The following TRERF1 variants were observed in gnomAD, a reference collection of about 807,000 sequenced individuals.
TRERF1 encodes transcriptional-regulating factor 1.
In TRERF1, 27 loss-of-function variants were observed where a neutral mutation model predicts 122.9. That is an observed-to-expected ratio of 0.22 (90% CI 0.16 to 0.30). The LOEUF is 0.30. Ranked by LOEUF, TRERF1 falls within the 10% of genes least tolerant of loss-of-function variation. TRERF1 has a pLI of 1.00. For synonymous variants in TRERF1, 636 were observed against 641.7 expected, an observed-to-expected ratio of 0.99 and a Z score of 0.13; for missense variants, 1,248 against 1,560.3, an observed-to-expected ratio of 0.80 and a Z score of 3.37.
Position 42,269,217 on chromosome 6 carries a change from G to T in TRERF1, c.374C>A (p.Ser125Tyr). ...CTGGGTCCGGATCTCGCTGGCCTGG[G>T]AGTAGGTGTATTGGTAGCCATCAGT... Residue 125 changes from serine to tyrosine, a missense_variant, in exon 5 of 18, where the codon TCC becomes TAC. Physicochemically the swap from Ser to Tyr is moderately radical, Grantham distance 144. Coordinates refer to ENST00000372922, the Ensembl canonical transcript of TRERF1. The surrounding 1 kb of genome is among the most constrained non-coding windows in gnomAD (Gnocchi z 4.9). 1.2e-6 allele frequency: 2 copies of T among 1,614,218 alleles called. No homozygotes were observed. Among genetic ancestry groups the T allele is most frequent in the Non-Finnish European group, 1.7e-6 (2 of 1,180,038 alleles).
intron 2 of TRERF1, among the ~76,000 whole-genome samples, chr6:42,435,856 T>A (rs1428381052): frequency 1.3e-5 from 2 of 150,688 alleles, no homozygotes; most frequent in Non-Finnish European, 2.9e-5. Context: ...GGGGGGCACC[T>A]GTAATCCCAA....
At chr6:42,226,068 C>CT (rs921715265) in exon 18 of TRERF1, 1 of 152,172 alleles carries the variant, frequency 6.6e-6, no homozygotes, top group African/African-American at 2.4e-5. Context: ...GAAGTCCATT[C>CT]TTTAAGTTGA....
At chr6:42,404,719 G>A (rs1240809334) in intron 2 of TRERF1, among the ~76,000 whole-genome samples, 2 of 146,358 alleles carry the variant, frequency 1.4e-5, no homozygotes, top group Non-Finnish European at 2.9e-5. Flanking sequence ...TCTCTGTGCC[G>A]ATTCCTGCTT....
chr6:42,245,755 C>T (rs1449709533), intron 14 of TRERF1, among the ~76,000 whole-genome samples: 2 of 152,232 alleles, frequency 1.3e-5, no homozygotes, highest in Non-Finnish European at 2.9e-5. Flanking sequence ...AGGGAGGCCA[C>T]ATATTCTCCT....
intron 3 of TRERF1, among the ~76,000 whole-genome samples, chr6:42,349,185 C>T (rs1238528504): frequency 1.3e-5 from 2 of 152,138 alleles, no homozygotes; most frequent in East Asian, 3.9e-4. Context: ...CAGACAGTAA[C>T]TGTTTCAGGG....
At chr6:42,411,437 C>CGGGA (rs1562159428) in intron 2 of TRERF1, among the ~76,000 whole-genome samples, 1 of 152,144 alleles carries the variant, frequency 6.6e-6, no homozygotes, top group Non-Finnish European at 1.5e-5. Context: ...GGTCCCAATT[C>CGGGA]GGGACCTGGA....
At chr6:42,277,474 C>T (rs35445071) in intron 4 of TRERF1, among the ~76,000 whole-genome samples, 16,532 of 152,138 alleles carry the variant, frequency 0.11, 1,003 homozygotes, top group African/African-American at 0.15. Flanking sequence ...ACAGGTTTGT[C>T]CCGCAGCAGT....
At chr6:42,337,973 A>G (rs1472677056) in intron 3 of TRERF1, among the ~76,000 whole-genome samples, 1 of 152,182 alleles carries the variant, frequency 6.6e-6, no homozygotes, top group African/African-American at 2.4e-5. Context: ...CATGTTAGGG[A>G]TGCGGAGTCT....
intron 2 of TRERF1, among the ~76,000 whole-genome samples, chr6:42,417,586 G>T (rs73733194): frequency 6.6e-6 from 1 of 152,154 alleles, no homozygotes; most frequent in African/African-American, 2.4e-5. Flanking sequence ...GAGGAGGAAC[G>T]ACTGGCCGGC....
At chr6:42,370,695 G>A (rs901459921) in intron 2 of TRERF1, among the ~76,000 whole-genome samples, 8 of 152,160 alleles carry the variant, frequency 5.3e-5, no homozygotes, top group Non-Finnish European at 8.8e-5. Context: ...GCTTCTGTGC[G>A]TGGCCTGGGT....
intron 2 of TRERF1, among the ~76,000 whole-genome samples, chr6:42,378,793 A>G (rs1179452524): frequency 1.3e-5 from 2 of 152,068 alleles, no homozygotes; most frequent in African/African-American, 4.8e-5. Context: ...TCCCCTCCCA[A>G]CCTCCCAATT....
Position 42,305,349 on chromosome 6 carries a change from T to G in TRERF1, c.-370-4600A>C, listed in dbSNP as rs114763141. 9.9e-3 allele frequency among the ~76,000 whole-genome samples: 1,503 copies of G among 152,250 alleles called. 34 individuals carry two copies. The highest frequency in any genetic ancestry group is 0.035 in the African/African-American group (1,436 of 41,540). On this transcript the variant is annotated intron_variant, in intron 3 of 17. Coordinates refer to ENST00000372922, the Ensembl canonical transcript of TRERF1. ...ACCATGCCACCAAGCAAGGCCAGAA[T>G]CTTCCCACAGCCCCACGCTGCTATC...
intron 3 of TRERF1, among the ~76,000 whole-genome samples, chr6:42,304,103 T>C (rs1462994153): frequency 6.6e-6 from 1 of 152,164 alleles, no homozygotes; most frequent in Non-Finnish European, 1.5e-5. Context: ...TCTTACCTAC[T>C]TGTTTTCTGC....
At chr6:42,348,921 G>A (rs1394662336) in intron 3 of TRERF1, among the ~76,000 whole-genome samples, 1 of 152,154 alleles carries the variant, frequency 6.6e-6, no homozygotes, top group Non-Finnish European at 1.5e-5. Context: ...AGTGAGTCTG[G>A]TCCCAGCTCC....
rs565753348 is a variant in TRERF1 at position 42,276,203 on chromosome 6, G to A, written c.-258-6355C>T. On this transcript the variant is annotated intron_variant, in intron 4 of 17. Transcript: ENST00000372922. The surrounding 1 kb of genome is among the most constrained non-coding windows in gnomAD (Gnocchi z 4.3). ...CTGCAAGAAGGATATCTGTCCTAAG[G>A]GCCACCCTTTGAACCAGAGACACAG... is the stretch of plus-strand genomic sequence containing the variant. 1.3e-5 allele frequency among the ~76,000 whole-genome samples: 2 copies of A among 152,260 alleles called. No homozygotes were observed. Among genetic ancestry groups the A allele is most frequent in the South Asian group, 4.1e-4 (2 of 4,822 alleles).
At position 42,276,568 on chromosome 6, in the gene TRERF1, C is replaced by T. The variant is rs563692737; in HGVS notation, c.-258-6720G>A. ...AAGGGCGGCTCTCCAGGATGTGGGC[C>T]GCAGTTCGCCGTCTTCTTTTTAGCA... is the stretch of plus-strand genomic sequence containing the variant. On this transcript the variant is annotated intron_variant, in intron 4 of 17. Transcript: ENST00000372922. The surrounding 1 kb of genome is among the most constrained non-coding windows in gnomAD (Gnocchi z 4.3). Among the ~76,000 whole-genome samples the T allele has an allele frequency of 5.9e-5, 9 of 152,314 alleles. No homozygotes were observed. The highest frequency in any genetic ancestry group is 3.9e-4 in the Admixed American group (6 of 15,300).
At chr6:42,384,143 T>C (rs1776408392) in intron 2 of TRERF1, among the ~76,000 whole-genome samples, 1 of 152,044 alleles carries the variant, frequency 6.6e-6, no homozygotes, top group Non-Finnish European at 1.5e-5. Context: ...ACAGACATAC[T>C]CCTATATATG....
At position 42,263,490 on chromosome 6, in the gene TRERF1, G is replaced by A. The variant is rs763616237; in HGVS notation, c.1714C>T (p.Leu572Phe). 3 of 1,585,094 alleles carry A rather than the reference G, an allele frequency of 1.9e-6. No individual in the cohort carries two copies. The highest frequency in any genetic ancestry group is 1.7e-6 in the Non-Finnish European group (2 of 1,163,178). The change falls in exon 8 of 18, where the codon CTC becomes TTC. Residue 572 changes from leucine to phenylalanine, a missense_variant. Coordinates refer to ENST00000372922, the Ensembl canonical transcript of TRERF1. This position sits in a 1 kb window ranked among gnomAD's most constrained non-coding sequence, Gnocchi z 5.6. The stretch of plus-strand genomic sequence containing the variant: ...GTGAGGCTTTCTGCCTCGGGAGGGA[G>A]CTGTGGTGGCGGCGGAGGCGGAGGC...
rs372809024 is a variant in TRERF1 at position 42,445,636 on chromosome 6, C to T, written c.-454+5541G>A. ...CCGCCTCCCTCTCCCAATCTTTCTT[C>T]ATCTCAGGAAACAGCACCACCATCT... On this transcript the variant is annotated intron_variant, in intron 2 of 17. Coordinates refer to ENST00000372922, the Ensembl canonical transcript of TRERF1. Among the ~76,000 whole-genome samples the T allele has an allele frequency of 4.6e-5, 7 of 152,094 alleles. No individual in the cohort carries two copies. In the East Asian group the frequency reaches 1.4e-3, roughly 29 times the overall value.
Sources: gnomAD v4.1 joint callset for allele counts (sites outside exome capture counted in the v4.1 genomes callset) on GRCh38, gnomAD v4.1.1 for gene constraint, Gnocchi (gnomAD v3.1) non-coding constraint, MANE v1.5 for transcripts, NCBI Gene and HGNC (gene_info 2026-07-23, HGNC 2026-07-21) for gene names.